Variants in RCC2 observed in about 807,000 individuals in gnomAD.
RCC2 encodes protein RCC2.
Under a neutral mutation model 64.1 loss-of-function variants are expected in RCC2, and 19 were observed. That is an observed-to-expected ratio of 0.30 (90% confidence interval 0.21 to 0.44). RCC2 has a LOEUF of 0.44. Among genes scored for constraint, RCC2 ranks in the 20% least tolerant of loss-of-function variants. The pLI is 1.00. For synonymous variants in RCC2, 325 were observed against 279.6 expected, an observed-to-expected ratio of 1.16 and a Z score of -1.62; for missense variants, 508 against 710.4, an observed-to-expected ratio of 0.72 and a Z score of 3.24.
chr1:17,430,480 C>A (rs1570202672), intron 2 of RCC2, among the ~76,000 whole-genome samples: 1 of 138,340 alleles, frequency 7.2e-6, no homozygotes, highest in Admixed American at 7.2e-5. Context: ...CATAGCCAGG[C>A]CTTGTCTCAA....
intron 2 of RCC2, among the ~76,000 whole-genome samples, chr1:17,431,584 T>C (rs2075682149): frequency 6.7e-6 from 1 of 148,650 alleles, no homozygotes; most frequent in African/African-American, 2.5e-5. Flanking sequence ...TACAGTGTGA[T>C]CACCCCATGG....
intron 8 of RCC2, among the ~76,000 whole-genome samples, 154 bp downstream of exon 8, chr1:17,416,326 A>G (rs2075484576): frequency 6.6e-6 from 1 of 152,050 alleles, no homozygotes; most frequent in African/African-American, 2.4e-5. Context: ...GGGACCAAGG[A>G]CCCTTTGGCC....
intron 2 of RCC2, among the ~76,000 whole-genome samples, chr1:17,433,200 G>A (rs1288034489): frequency 2.0e-5 from 3 of 152,198 alleles, no homozygotes; most frequent in East Asian, 3.8e-4. Flanking sequence ...TTAGATGGAG[G>A]TTAGTGTATT....
rs888221955 is a variant in RCC2 at position 17,414,007 on chromosome 1, A to T, written c.1027-290T>A. On this transcript the variant is annotated intron_variant, in intron 8 of 12. Transcript: ENST00000375436. Reference sequence around the variant, plus strand: ...TCCTTTGCCTGCCTCCAGCAGAAAGATCCTCTACCTCCCGCCTCCAGCAGT... The same window carrying T: ...TCCTTTGCCTGCCTCCAGCAGAAAGTTCCTCTACCTCCCGCCTCCAGCAGT... 3.9e-5 allele frequency among the ~76,000 whole-genome samples: 6 copies of T among 152,264 alleles called. No homozygotes were observed. In the East Asian group the frequency reaches 1.2e-3, roughly 29 times the overall value.
At chr1:17,432,152 G>A (rs1269503254) in intron 2 of RCC2, among the ~76,000 whole-genome samples, 24 of 152,134 alleles carry the variant, frequency 1.6e-4, no homozygotes, top group Non-Finnish European at 1.5e-5. Flanking sequence ...GAACAACTTT[G>A]GTTCATTTAA....
chr1:17,422,937 G>A, intron 4 of RCC2, 101 bp from the exon 5 acceptor site: 1 of 1,448,354 alleles, frequency 6.9e-7, no homozygotes, highest in South Asian at 1.2e-5. Flanking sequence ...ATGCCCATCT[G>A]TCTCTGGAAG....
chr1:17,422,357 T>C (rs567506855), intron 5 of RCC2, 66 bp from the exon 6 acceptor site: 1 of 1,389,036 alleles, frequency 7.2e-7, no homozygotes, highest in African/African-American at 1.4e-5. Context: ...AGATTTAGAA[T>C]CAAAGGCATC....
At chr1:17,431,389 G>A (rs1158093516) in intron 2 of RCC2, among the ~76,000 whole-genome samples, 6 of 96,420 alleles carry the variant, frequency 6.2e-5, no homozygotes, top group Non-Finnish European at 1.3e-4. Flanking sequence ...TATGTGGGCT[G>A]GGTGTGGTGG....
Position 17,413,122 on chromosome 1 carries a change from T to C in RCC2, c.1264A>G (p.Lys422Glu). Residue 422 changes from lysine to glutamate, a missense_variant, in exon 10 of 13, where the codon AAA (lysine) becomes GAA (glutamate). Around this residue, in one of 4 missense-constraint regions of RCC2, gnomAD observed 179 missense variants for 322.0 expected, o/e 0.56. Coordinates refer to ENST00000375436, the MANE Select transcript of RCC2 (RefSeq NM_018715.4). ...NTSRESTMYP[K>E]AVQDLCGWRI... The stretch of plus-strand genomic sequence containing the variant: ...CAGCCGCAGAGGTCCTGCACTGCTT[T>C]TGGGTACATGGTAGATTCACGGGAG... 1 of 1,614,146 alleles carries C rather than the reference T, an allele frequency of 6.2e-7. No individual in the cohort carries two copies. Among genetic ancestry groups the C allele is most frequent in the African/African-American group, 1.3e-5 (1 of 75,044 alleles).
intron 11 of RCC2, among the ~76,000 whole-genome samples, chr1:17,410,434 G>A (rs1027611151): frequency 6.6e-6 from 1 of 152,192 alleles, no homozygotes; most frequent in African/African-American, 2.4e-5. Context: ...CTGACCAAAT[G>A]CCCTTGATGC....
chr1:17,418,937 C>T (rs1187110531), intron 7 of RCC2, among the ~76,000 whole-genome samples: 2 of 152,198 alleles, frequency 1.3e-5, no homozygotes, highest in South Asian at 4.1e-4. Flanking sequence ...CTGCTTTTTC[C>T]ACCTCCTTTA....
intron 6 of RCC2, 132 bp from the exon 7 acceptor site, chr1:17,420,960 A>C: frequency 1.6e-6 from 1 of 640,660 alleles, no homozygotes; most frequent in East Asian, 2.8e-5. Flanking sequence ...TTCTGAAGGC[A>C]AAAGCTGAAG....
At position 17,410,253 on chromosome 1, in the gene RCC2, C is replaced by T. The variant is rs143136960; in HGVS notation, c.1387-202G>A. Among the ~76,000 whole-genome samples, 409 of 152,280 alleles carry T rather than the reference C, an allele frequency of 2.7e-3. 1 individual carries two copies. The highest frequency in any genetic ancestry group is 9.4e-3 in the African/African-American group (392 of 41,564). On this transcript the variant is annotated intron_variant, in intron 11 of 12. Transcript: ENST00000375436. ...ATCCACAAAAGGTGCCACCAGCAGG[C>T]GACTAGCGCTTAACCTAAGGAAGAC...
rs778652847 is a variant in RCC2 at position 17,409,174 on chromosome 1, G to C, written c.1485C>G (p.His495Gln). 1 of 1,613,814 alleles carries C rather than the reference G, an allele frequency of 6.2e-7. No individual in the cohort carries two copies. Among genetic ancestry groups the C allele is most frequent in the Non-Finnish European group, 8.5e-7 (1 of 1,179,668 alleles). Residue 495 changes from histidine to glutamine, a missense_variant, in exon 13 of 13, where the codon CAC becomes CAG. Transcript: ENST00000375436. ...FSEQVAMGYS[H>Q]SLVIARDESE... ...TTTCATCTCTTGCTATCACCAAGGAGTGTGAGTAGCCCATGGCGACCTGGG... is the reference window on the plus strand; with the variant it reads ...TTTCATCTCTTGCTATCACCAAGGACTGTGAGTAGCCCATGGCGACCTGGG...
rs1022975662 is a variant in RCC2 at position 17,420,816 on chromosome 1, C to T, written c.757G>A (p.Gly253Ser). 2.5e-6 allele frequency: 4 copies of T among 1,599,878 alleles called. No homozygotes were observed. Among genetic ancestry groups the T allele is most frequent in the East Asian group, 2.2e-5 (1 of 44,676 alleles). ...CAGGCCATTTTGGTAATTGGCTGGCCGTTGTACATTATCTGAAAAGACAAG... is the reference window on the plus strand; with the variant it reads ...CAGGCCATTTTGGTAATTGGCTGGCTGTTGTACATTATCTGAAAAGACAAG... The part of the protein sequence containing the change: ...VPSPAQIMYN[G>S]QPITKMACGA... Residue 253 changes from glycine to serine, a missense_variant, in exon 7 of 13, where the codon GGC becomes AGC. Around this residue, in one of 4 missense-constraint regions of RCC2, gnomAD observed 132 missense variants for 207.3 expected, o/e 0.64. Coordinates refer to ENST00000375436, the MANE Select transcript of RCC2 (RefSeq NM_018715.4).
intron 2 of RCC2, among the ~76,000 whole-genome samples, chr1:17,431,946 A>C (rs1431921369): frequency 6.6e-6 from 1 of 152,060 alleles, no homozygotes; most frequent in Non-Finnish European, 1.5e-5. Context: ...TAAAAATACA[A>C]AAAATTAGCC....
At chr1:17,437,156 C>A (rs2075743237) in intron 2 of RCC2, among the ~76,000 whole-genome samples, 1 of 152,172 alleles carries the variant, frequency 6.6e-6, no homozygotes, top group Admixed American at 6.5e-5. Flanking sequence ...ATCTATAAAA[C>A]GGACGTAGAA....
intron 3 of RCC2, among the ~76,000 whole-genome samples, chr1:17,427,420 T>C (rs912089601): frequency 8.5e-5 from 13 of 152,132 alleles, no homozygotes; most frequent in African/African-American, 2.7e-4. Context: ...AACAATTTCC[T>C]GGGGAAAGAG....
At position 17,413,935 on chromosome 1, in the gene RCC2, A is replaced by AGCCTGGCCAACATGGTGAAACCC. The variant is rs2075453789; in HGVS notation, c.1027-241_1027-219dup. ...CACTTGAGGTCAGGAGTTTGAGACC[A>AGCCTGGCCAACATGGTGAAACCC]GCCTGGCCAACATGGTGAAACCCTG... On this transcript the variant is annotated intron_variant, in intron 8 of 12. Coordinates refer to ENST00000375436, the MANE Select transcript of RCC2 (RefSeq NM_018715.4). Among the ~76,000 whole-genome samples the AGCCTGGCCAACATGGTGAAACCC allele has an allele frequency of 2.0e-5, 3 of 152,324 alleles. No individual in the cohort carries two copies. In the South Asian group the frequency reaches 6.2e-4, roughly 32 times the overall value.
Sources: gnomAD v4.1 joint callset for allele counts (sites outside exome capture counted in the v4.1 genomes callset) on GRCh38, gnomAD v4.1.1 for gene constraint, gnomAD v4.1.1 regional missense constraint, MANE v1.5 for transcripts, NCBI Gene and HGNC (gene_info 2026-07-23, HGNC 2026-07-21) for gene names.